The following TASP1 variants were observed in gnomAD, a reference collection of about 807,000 sequenced individuals.
TASP1 encodes taspase 1.
TASP1 carries 16 observed loss-of-function variants against 56.6 expected under a neutral mutation model. The observed-to-expected ratio is 0.28, with a 90% CI of 0.19 to 0.43. The LOEUF (loss-of-function observed/expected upper bound fraction) is 0.43. Ranked by LOEUF, TASP1 falls within the 20% of genes least tolerant of loss-of-function variation. The probability of loss-of-function intolerance (pLI) is 1.00; values close to 1 mark genes in which losing one functional copy is unlikely to be tolerated. For synonymous variants in TASP1, 179 were observed against 184.2 expected, an observed-to-expected ratio of 0.97 and a Z score of 0.23; for missense variants, 393 against 511.6, an observed-to-expected ratio of 0.77 and a Z score of 2.24.
chr20:13,284,092 A>C, the TASP1 span, among the ~76,000 whole-genome samples: 1 of 152,232 alleles, frequency 6.6e-6, no homozygotes, highest in Non-Finnish European at 1.5e-5. Context: ...TAAAAAGAGG[A>C]TGTTTCCACC....
the TASP1 span, among the ~76,000 whole-genome samples, chr20:13,112,230 G>C: frequency 6.6e-6 from 1 of 152,232 alleles, no homozygotes. Flanking sequence ...CTGACACTTT[G>C]TCTGGGGCTG....
chr20:13,268,114 GTCTTCTCTTC>G, the TASP1 span, among the ~76,000 whole-genome samples: 15,510 of 140,376 alleles, frequency 0.11, 950 homozygotes, highest in Admixed American at 0.15. Flanking sequence ...CTCCTCTCCT[GTCTTCTCTTC>G]TCTTCTCTTC....
the TASP1 span, chr20:13,110,298 C>G: frequency 1.5e-5 from 18 of 1,167,530 alleles, no homozygotes; most frequent in South Asian, 1.5e-4. Context: ...CCTTTCCTAG[C>G]TAAACAGAGA....
At chr20:13,340,253 G>A in the TASP1 span, among the ~76,000 whole-genome samples, 1 of 152,162 alleles carries the variant, frequency 6.6e-6, no homozygotes, top group Admixed American at 6.5e-5. Flanking sequence ...AGCCTAGCAT[G>A]AGGAAGACAG....
the TASP1 span, among the ~76,000 whole-genome samples, chr20:13,140,531 T>C: frequency 6.6e-6 from 1 of 152,272 alleles, no homozygotes; most frequent in South Asian, 2.1e-4. Flanking sequence ...TGATTCCGAT[T>C]AACATCACTT....
chr20:13,188,315 C>A, the TASP1 span, among the ~76,000 whole-genome samples: 2 of 152,054 alleles, frequency 1.3e-5, no homozygotes, highest in African/African-American at 4.8e-5. Flanking sequence ...CTAAAAAATT[C>A]CTAAACTAAT....
chr20:13,341,410 C>A, the TASP1 span, among the ~76,000 whole-genome samples: 2 of 152,212 alleles, frequency 1.3e-5, no homozygotes, highest in Non-Finnish European at 2.9e-5. Flanking sequence ...TCTAGCTTCA[C>A]CACTTACTAG....
chr20:13,118,274 G>A, the TASP1 span, among the ~76,000 whole-genome samples: 59 of 152,072 alleles, frequency 3.9e-4, 1 homozygote, highest in East Asian at 9.9e-3. Flanking sequence ...GTACTTTTAA[G>A]AAATATTCTC....
intron 11 of TASP1, among the ~76,000 whole-genome samples, chr20:13,470,465 C>T (rs532575696): frequency 1.6e-4 from 24 of 152,246 alleles, no homozygotes; most frequent in African/African-American, 5.5e-4. Flanking sequence ...TCCCAATCCA[C>T]CTACCCACTT....
intron 8 of TASP1, among the ~76,000 whole-genome samples, chr20:13,556,895 T>G (rs543883174): frequency 6.6e-6 from 1 of 152,214 alleles, no homozygotes; most frequent in Non-Finnish European, 1.5e-5. Context: ...TCTTCTTTTT[T>G]TCCTTCATAA....
chr20:13,442,337 A>G (rs939024112), intron 11 of TASP1, among the ~76,000 whole-genome samples: 1 of 151,924 alleles, frequency 6.6e-6, no homozygotes, highest in Non-Finnish European at 1.5e-5. Context: ...TCCTGCCTAC[A>G]TCACTGAAGT....
At chr20:13,385,960 T>C (rs2041160293), downstream of TASP1, among the ~76,000 whole-genome samples, 1 of 152,188 alleles carries the variant, frequency 6.6e-6, no homozygotes, top group South Asian at 2.1e-4. Context: ...GTGTGGGGGA[T>C]ACTAAAACAG....
the TASP1 span, among the ~76,000 whole-genome samples, chr20:13,191,600 A>G: frequency 1.3e-5 from 2 of 152,182 alleles, no homozygotes; most frequent in Admixed American, 6.5e-5. Context: ...ACCAGAGGAG[A>G]GGAGATAGGC....
the TASP1 span, among the ~76,000 whole-genome samples, chr20:13,322,689 G>T: frequency 6.6e-6 from 1 of 152,174 alleles, no homozygotes; most frequent in East Asian, 1.9e-4. Flanking sequence ...GACAGGATAA[G>T]GAATAGCTGC....
the TASP1 span, chr20:13,279,718 T>C: frequency 6.2e-7 from 1 of 1,613,882 alleles, no homozygotes; most frequent in Non-Finnish European, 8.5e-7. Flanking sequence ...GTCAGTCCCA[T>C]CCCCCGACTG....
At chr20:13,224,146 A>G in the TASP1 span, among the ~76,000 whole-genome samples, 1 of 152,180 alleles carries the variant, frequency 6.6e-6, no homozygotes, top group African/African-American at 2.4e-5. Context: ...GCTTCAGCTT[A>G]TCTTGTAATA....
At chr20:13,216,083 T>C in the TASP1 span, among the ~76,000 whole-genome samples, 1 of 152,360 alleles carries the variant, frequency 6.6e-6, no homozygotes, top group Admixed American at 6.5e-5. Flanking sequence ...ATTCATTGAA[T>C]AGATATTTAT....
At chr20:13,107,583 T>G in the TASP1 span, among the ~76,000 whole-genome samples, 1 of 152,122 alleles carries the variant, frequency 6.6e-6, no homozygotes, top group African/African-American at 2.4e-5. Context: ...AGGCCTGTTT[T>G]GCAGATAAAA....
chr20:13,589,052 C>T (rs2047424905), intron 4 of TASP1, among the ~76,000 whole-genome samples: 2 of 147,768 alleles, frequency 1.4e-5, no homozygotes, highest in Admixed American at 6.8e-5. Flanking sequence ...TATAGTCTTT[C>T]GTGGGTTTTT....
Sources: gnomAD v4.1 joint callset for allele counts (sites outside exome capture counted in the v4.1 genomes callset) on GRCh38, gnomAD v4.1.1 for gene constraint, MANE v1.5 for transcripts, NCBI Gene and HGNC (gene_info 2026-07-23, HGNC 2026-07-21) for gene names.